Variants in ZDHHC15 observed in about 807,000 individuals in gnomAD.
The protein encoded by ZDHHC15 is palmitoyltransferase ZDHHC15.
In ZDHHC15, 19 loss-of-function variants were observed where a neutral mutation model predicts 31.7. The ratio of observed to expected loss-of-function variants is 0.60; its 90% CI spans 0.42 to 0.88. The LOEUF is 0.88. ZDHHC15 is among the 40% of genes least tolerant of loss of function. The pLI, the probability that ZDHHC15 is intolerant of heterozygous loss-of-function variation, is 0.00. For synonymous variants in ZDHHC15, 103 were observed against 90.0 expected, an observed-to-expected ratio of 1.14 and a Z score of -0.82; for missense variants, 209 against 251.2, an observed-to-expected ratio of 0.83 and a Z score of 1.14.
Position 75,431,461 on chromosome X carries a change from C to G in ZDHHC15, c.439G>C (p.Val147Leu). The G allele has an allele frequency of 8.3e-7, 1 of 1,208,136 alleles. No homozygotes were observed. Among genetic ancestry groups the G allele is most frequent in the Non-Finnish European group, 1.1e-6 (1 of 893,933 alleles). The change falls in exon 5 of 12, where the codon GTC becomes CTC. Residue 147 changes from valine (V) to leucine (L), a missense_variant. By Grantham distance (32) the Val-to-Leu change is conservative. Transcript: ENST00000373367. ...IKPDRCHHCS[V>L]CAMCVLKMDH... ...ATGGCCGTCACTTACATAGCACAGA[C>G]AGAGCAGTGGTGGCAGCGGTCTGGC...
chrX:75,430,006 G>A, intron 5 of ZDHHC15, 26 bp from the exon 6 acceptor site: 1 of 1,195,685 alleles, frequency 8.4e-7, no homozygotes, highest in Non-Finnish European at 1.1e-6. Context: ...AATACAGTGT[G>A]ATAAGTGAGG....
chrX:75,433,656 AGTGTGTGTGTGT>A (rs138064587), intron 4 of ZDHHC15, among the ~76,000 whole-genome samples: 44 of 53,549 alleles, frequency 8.2e-4, no homozygotes, highest in South Asian at 2.5e-3. Context: ...ATGGCTGAGT[AGTGTGTGTGTGT>A]GTGTGTGTGT....
At chrX:75,483,081 G>GTA (rs4019298) in intron 2 of ZDHHC15, among the ~76,000 whole-genome samples, 4,060 of 97,327 alleles carry the variant, frequency 0.042, 94 homozygotes, top group Non-Finnish European at 0.055. Flanking sequence ...ATGTGTATGT[G>GTA]TATATATATA....
At chrX:75,393,060 C>A (rs2083263604) in intron 10 of ZDHHC15, among the ~76,000 whole-genome samples, 1 of 110,660 alleles carries the variant, frequency 9.0e-6, no homozygotes, top group East Asian at 2.9e-4. Context: ...CATGGTAATA[C>A]TAACAGACGC....
At chrX:75,419,374 G>T (rs2083592189) in intron 9 of ZDHHC15, among the ~76,000 whole-genome samples, 1 of 112,174 alleles carries the variant, frequency 8.9e-6, no homozygotes, top group Non-Finnish European at 1.9e-5. Flanking sequence ...GGCCATCAGA[G>T]AAATGCAAAT....
chrX:75,398,475 G>A (rs775173958), intron 10 of ZDHHC15, among the ~76,000 whole-genome samples: 8 of 112,613 alleles, frequency 7.1e-5, no homozygotes, highest in Non-Finnish European at 1.5e-4. Context: ...TCCCAGAGGG[G>A]GATGGACCAT....
intron 1 of ZDHHC15, among the ~76,000 whole-genome samples, chrX:75,507,602 T>TGTACATTTAG (rs767150969): frequency 8.9e-6 from 1 of 111,782 alleles, no homozygotes; most frequent in East Asian, 2.8e-4. Context: ...CATGGGTAAG[T>TGTACATTTAG]GTACATTTAG....
intron 10 of ZDHHC15, among the ~76,000 whole-genome samples, chrX:75,405,426 G>T (rs887736628): frequency 9.0e-6 from 1 of 111,106 alleles, no homozygotes; most frequent in Non-Finnish European, 1.9e-5. Context: ...TTGCCTACAA[G>T]AAATCTATTT....
rs765508889 is a variant in ZDHHC15, at chrX:75,370,929, A to G, written c.*2049T>C. ...AGCTTTACCTCTCCGGAACTTCCTT[A>G]TAGTTAACTGACACTATATTTTGTG... is the stretch of plus-strand genomic sequence containing the variant. On this transcript the variant is annotated 3_prime_UTR_variant, in exon 12 of 12. Coordinates refer to ENST00000373367, the MANE Select transcript of ZDHHC15 (RefSeq NM_144969.3). The G allele has an allele frequency of 8.9e-6, 1 of 111,813 alleles. No individual in the cohort carries two copies. The highest frequency in any genetic ancestry group is 2.8e-4 in the East Asian group (1 of 3,550). The allele number at this position is 111,813 out of a possible 1,213,427, so 9.2% of individuals were successfully genotyped here.
At chrX:75,452,136 A>G (rs1434507787) in intron 3 of ZDHHC15, among the ~76,000 whole-genome samples, 3 of 108,238 alleles carry the variant, frequency 2.8e-5, no homozygotes, top group African/African-American at 1.0e-4. Context: ...CAGGAGACCC[A>G]TCTCACGTGC....
chrX:75,472,986 C>T (rs190607718), intron 3 of ZDHHC15, among the ~76,000 whole-genome samples: 11 of 112,096 alleles, frequency 9.8e-5, no homozygotes, highest in South Asian at 3.8e-4. Flanking sequence ...ATACTGACTC[C>T]GAATACAGGT....
intron 4 of ZDHHC15, among the ~76,000 whole-genome samples, chrX:75,441,791 T>G (rs911582745): frequency 9.1e-6 from 1 of 109,574 alleles, no homozygotes; most frequent in Non-Finnish European, 1.9e-5. Context: ...GCACGGCTAA[T>G]TTTTTGTATT....
chrX:75,504,970 T>G (rs779442350), intron 2 of ZDHHC15, among the ~76,000 whole-genome samples: 1 of 111,246 alleles, frequency 9.0e-6, no homozygotes, highest in African/African-American at 3.3e-5. Flanking sequence ...TATACATGAA[T>G]AAAATGAACA....
At chrX:75,426,443 C>CTT (rs1309778487) in intron 7 of ZDHHC15, among the ~76,000 whole-genome samples, 1 of 101,500 alleles carries the variant, frequency 9.9e-6, no homozygotes. Context: ...TCTTCTTAAA[C>CTT]TTTTTTTTTT....
intron 3 of ZDHHC15, among the ~76,000 whole-genome samples, chrX:75,452,106 A>G (rs2147912704): frequency 9.1e-6 from 1 of 109,739 alleles, no homozygotes; most frequent in South Asian, 4.0e-4. Flanking sequence ...AAGAGTCAAG[A>G]CCCATCAGAG....
At position 75,523,034 on chromosome X, in the gene ZDHHC15, G is replaced by A; in HGVS notation, c.-10C>T. On this transcript the variant is annotated 5_prime_UTR_variant, in exon 1 of 12. Transcript: ENST00000373367. ...TCCAGCCTCGCCGCATCTTTGGCTCGAAGATCGACCAAGCAGGCCTGCTGG... is the reference window on the plus strand; with the variant it reads ...TCCAGCCTCGCCGCATCTTTGGCTCAAAGATCGACCAAGCAGGCCTGCTGG... 8.3e-7 allele frequency: 1 copy of A among 1,203,783 alleles called. No individual in the cohort carries two copies. Among genetic ancestry groups the A allele is most frequent in the Non-Finnish European group, 1.1e-6 (1 of 891,414 alleles).
rs751490989 is a variant in ZDHHC15, at chrX:75,430,922, A to C, written c.449+529T>G. Among the ~76,000 whole-genome samples the C allele has an allele frequency of 3.3e-3, 368 of 111,346 alleles. 1 individual carries two copies. Among genetic ancestry groups the C allele is most frequent in the Non-Finnish European group, 6.2e-3 (328 of 53,011 alleles). ...TATGACCTACTTGACCATTAATCCTAAATACTGTCAAGGTTATCAAAAACA... is the reference window on the plus strand; with the variant it reads ...TATGACCTACTTGACCATTAATCCTCAATACTGTCAAGGTTATCAAAAACA... On this transcript the variant is annotated intron_variant, in intron 5 of 11. Coordinates refer to ENST00000373367, the MANE Select transcript of ZDHHC15 (RefSeq NM_144969.3).
At chrX:75,472,475 T>G (rs1200318075) in intron 3 of ZDHHC15, among the ~76,000 whole-genome samples, 1 of 112,062 alleles carries the variant, frequency 8.9e-6, no homozygotes, top group African/African-American at 3.2e-5. Flanking sequence ...GCCAATGGTT[T>G]GGCTGGATGG....
Position 75,431,537 on chromosome X carries a change from A to T in ZDHHC15, c.380-17T>A, listed in dbSNP as rs372790127. 1.5e-5 allele frequency: 18 copies of T among 1,194,047 alleles called. No homozygotes were observed. The highest frequency in any genetic ancestry group is 1.9e-5 in the Non-Finnish European group (17 of 884,610). ...ATCGTACAGCTATAAAAAAAAAAATAAGGTGGTTAGCACTTGTTAGGGCTC... is the reference window on the plus strand; with the variant it reads ...ATCGTACAGCTATAAAAAAAAAAATTAGGTGGTTAGCACTTGTTAGGGCTC... On this transcript the variant is annotated splice_polypyrimidine_tract_variant and intron_variant, in intron 4 of 11. Coordinates refer to ENST00000373367, the MANE Select transcript of ZDHHC15 (RefSeq NM_144969.3).
Sources: gnomAD v4.1 joint callset for allele counts (sites outside exome capture counted in the v4.1 genomes callset) on GRCh38, gnomAD v4.1.1 for gene constraint, MANE v1.5 for transcripts, NCBI Gene and HGNC (gene_info 2026-07-23, HGNC 2026-07-21) for gene names.